SCN7A: variants seen among roughly 807,000 people sequenced by gnomAD.
SCN7A encodes the protein sodium channel protein type 7 subunit alpha.
Under a neutral mutation model 155.2 loss-of-function variants are expected in SCN7A, and 138 were observed. That is an observed-to-expected ratio of 0.89 (90% CI 0.77 to 1.02). SCN7A has a LOEUF of 1.02. Among genes scored for constraint, SCN7A ranks in the 50% least tolerant of loss-of-function variants. The pLI, the probability that SCN7A is intolerant of heterozygous loss-of-function variation, is 0.00. For synonymous variants in SCN7A, 693 were observed against 649.0 expected (o/e 1.07, Z -1.03); for missense variants, 2,058 against 1,986.6 (o/e 1.04, Z -0.68).
intron 12 of SCN7A, among the ~76,000 whole-genome samples, chr2:166,445,862 T>C (rs1166117646): frequency 6.6e-6 from 1 of 152,116 alleles, no homozygotes; most frequent in African/African-American, 2.4e-5. Context: ...CCTTCCACCA[T>C]ATACAAAAAC....
intron 10 of SCN7A, among the ~76,000 whole-genome samples, chr2:166,457,661 G>T (rs191290453): frequency 6.6e-6 from 1 of 152,102 alleles, no homozygotes; most frequent in Non-Finnish European, 1.5e-5. Context: ...TTACATGAAG[G>T]CATTGCAGTG....
In SCN7A at chr2:166,405,905, A is replaced by G. The variant is rs1701060083; in HGVS notation, c.4724T>C (p.Leu1575Pro). The G allele has an allele frequency of 6.2e-7, 1 of 1,613,170 alleles. No homozygotes were observed. ...CTTTGTAAAAGCAAGTAAGATATCG[A>G]GGCAATGAATTCTGTCCCCAACAGC... ...PMAVGDRIHC[L>P]DILLAFTKRV... Residue 1575 changes from leucine (L) to proline (P), a missense_variant, in exon 26 of 26, where the codon CTC (leucine) becomes CCC (proline). By Grantham distance (98) the Leu-to-Pro change is moderately conservative. Transcript: ENST00000643258.
chr2:166,436,787 C>CA (rs1255671534), intron 15 of SCN7A, among the ~76,000 whole-genome samples: 1 of 152,138 alleles, frequency 6.6e-6, no homozygotes. Flanking sequence ...AGAACTGGAG[C>CA]AAAAGTGACT....
chr2:166,416,442 C>G (rs932986579), intron 21 of SCN7A, among the ~76,000 whole-genome samples: 1 of 152,114 alleles, frequency 6.6e-6, no homozygotes, highest in Non-Finnish European at 1.5e-5. Context: ...GATGTCACCC[C>G]CGGCGGCCCA....
intron 16 of SCN7A, among the ~76,000 whole-genome samples, chr2:166,431,382 T>C (rs1249400127): frequency 6.6e-6 from 1 of 152,084 alleles, no homozygotes; most frequent in Non-Finnish European, 1.5e-5. Flanking sequence ...TGTGAAGTTA[T>C]TGTAGAGAGC....
intron 23 of SCN7A, among the ~76,000 whole-genome samples, chr2:166,411,180 G>C (rs899108244): frequency 5.3e-5 from 8 of 151,956 alleles, no homozygotes; most frequent in Non-Finnish European, 1.2e-4. Flanking sequence ...GTTAGCCATG[G>C]TCAACCACAG....
rs1701091253 is a variant in SCN7A, at chr2:166,406,999, C to A, written c.3983-353G>T. Reference sequence around the variant, plus strand: ...TGCTATTGGATTAAGAAACTTAGTTCCATGCAATCTTTATTGAATGCCCAA... The same window carrying A: ...TGCTATTGGATTAAGAAACTTAGTTACATGCAATCTTTATTGAATGCCCAA... On this transcript the variant is annotated intron_variant, in intron 25 of 25. Transcript: ENST00000643258. 2.6e-5 allele frequency among the ~76,000 whole-genome samples: 4 copies of A among 151,974 alleles called. No homozygotes were observed. In the South Asian group the frequency reaches 8.3e-4, roughly 31 times the overall value.
chr2:166,477,427 A>G (rs553591108), intron 3 of SCN7A, 36 bp downstream of exon 3: 263 of 1,242,036 alleles, frequency 2.1e-4, no homozygotes, highest in Middle Eastern at 1.5e-3. Flanking sequence ...ATAAAATAAT[A>G]AAAATGTCAT....
intron 19 of SCN7A, among the ~76,000 whole-genome samples, chr2:166,422,198 T>C (rs947004218): frequency 6.6e-6 from 1 of 152,094 alleles, no homozygotes; most frequent in Admixed American, 6.6e-5. Flanking sequence ...TCATTGTTTA[T>C]AGAATAGAGA....
intron 15 of SCN7A, among the ~76,000 whole-genome samples, chr2:166,435,807 T>G (rs1038214737): frequency 2.0e-5 from 3 of 152,160 alleles, no homozygotes; most frequent in Non-Finnish European, 4.4e-5. Context: ...ATTTTCATGT[T>G]TCTATCCCTC....
Position 166,472,583 on chromosome 2 carries a change from A to C in SCN7A, c.444-138T>G. 2 of 633,784 alleles carry C rather than the reference A, an allele frequency of 3.2e-6. 1 individual carries two copies. The highest frequency in any genetic ancestry group is 5.4e-6 in the Non-Finnish European group (2 of 373,102). 39.3% of individuals were successfully genotyped at this position (633,784 alleles called of 1,614,324 possible). A position where few individuals can be genotyped will look rare whatever the true frequency, so the allele number is the denominator to read the frequency against. On this transcript the variant is annotated intron_variant, in intron 5 of 25. Transcript: ENST00000643258. ...GAGACCAGGTCTACTTGGTAGGCCA[A>C]AACCAACCAACCACCAATAAATTAG... is the stretch of plus-strand genomic sequence containing the variant.
At chr2:166,407,195 C>T (rs74838693) in intron 25 of SCN7A, among the ~76,000 whole-genome samples, 11,488 of 151,888 alleles carry the variant, frequency 0.076, 523 homozygotes, top group Middle Eastern at 0.13. Flanking sequence ...ATTTAATTTC[C>T]TTATTTCATA....
intron 1 of SCN7A, among the ~76,000 whole-genome samples, chr2:166,493,210 AT>A (rs1327773197): frequency 2.0e-5 from 3 of 152,130 alleles, no homozygotes; most frequent in African/African-American, 4.8e-5. Context: ...ACTCTTTCCC[AT>A]TTCAAGATAT....
intron 10 of SCN7A, among the ~76,000 whole-genome samples, chr2:166,459,536 G>A (rs1047321597): frequency 1.3e-5 from 2 of 151,994 alleles, no homozygotes; most frequent in Non-Finnish European, 1.5e-5. Context: ...TGAATTAATG[G>A]AAAACAATAA....
intron 14 of SCN7A, among the ~76,000 whole-genome samples, chr2:166,442,914 A>G (rs1329956104): frequency 2.0e-5 from 3 of 152,174 alleles, no homozygotes; most frequent in African/African-American, 7.2e-5. Flanking sequence ...AATAAGATTA[A>G]ATGGACTTAA....
intron 12 of SCN7A, among the ~76,000 whole-genome samples, chr2:166,446,137 G>T (rs1326545440): frequency 6.6e-6 from 1 of 152,026 alleles, no homozygotes; most frequent in Non-Finnish European, 1.5e-5. Context: ...ATCTGGCAAA[G>T]GTCTAATATC....
In SCN7A at chr2:166,403,695, C is replaced by G. The variant is rs1223551493; in HGVS notation, c.*1885G>C. The G allele has an allele frequency of 6.6e-6, 1 of 152,054 alleles. No homozygotes were observed. Among genetic ancestry groups the G allele is most frequent in the East Asian group, 1.9e-4 (1 of 5,162 alleles). 9.4% of individuals were successfully genotyped at this position (152,054 alleles called of 1,614,324 possible). A position where few individuals can be genotyped will look rare whatever the true frequency, so the allele number is the denominator to read the frequency against. ...GAAGGTAACTGGCAAACAAGGTTTACAAGTAAAAGATAAACTTTTCAAACT... is the reference window on the plus strand; with the variant it reads ...GAAGGTAACTGGCAAACAAGGTTTAGAAGTAAAAGATAAACTTTTCAAACT... On this transcript the variant is annotated 3_prime_UTR_variant, in exon 26 of 26. Coordinates refer to ENST00000643258, the MANE Select transcript of SCN7A (RefSeq NM_002976.4).
rs1203889537 is a variant in SCN7A, at chr2:166,441,728, A to C, written c.1825T>G (p.Tyr609Asp). 7.5e-6 allele frequency: 12 copies of C among 1,601,386 alleles called. No individual in the cohort carries two copies. Among genetic ancestry groups the C allele is most frequent in the African/African-American group, 1.3e-5 (1 of 74,244 alleles). ...RMLRIFKLGKYWPTFQILMWS... is the reference protein window; with the variant it reads ...RMLRIFKLGKDWPTFQILMWS... ...ATCAAAATCTGGAATGTTGGCCAAT[A>C]CTTTCCCAACTTGAAAATTCTTAAC... The change falls in exon 15 of 26, where the codon TAT becomes GAT. Residue 609 changes from tyrosine (Y) to aspartate (D), a missense_variant. Transcript: ENST00000643258.
chr2:166,474,462 C>CT (rs891843405), intron 3 of SCN7A, 118 bp from the exon 4 acceptor site: 11 of 376,114 alleles, frequency 2.9e-5, no homozygotes, highest in Middle Eastern at 1.4e-3. Context: ...CCATACTCTT[C>CT]TTTTTTTATA....
Sources: allele counts gnomAD v4.1 joint callset (sites outside exome capture counted in the v4.1 genomes callset), GRCh38; gene constraint gnomAD v4.1.1; transcripts MANE v1.5; gene names NCBI Gene and HGNC (gene_info 2026-07-23, HGNC 2026-07-21).